Variants in GLIS3 observed in about 807,000 individuals in gnomAD.
The protein encoded by GLIS3 is zinc finger protein GLIS3.
In GLIS3, 53 loss-of-function variants were observed where a neutral mutation model predicts 78.6. The observed-to-expected ratio is 0.67, with a 90% CI of 0.54 to 0.85. GLIS3 has a LOEUF of 0.85. GLIS3 is among the 40% of genes least tolerant of loss of function. The pLI, the probability that GLIS3 is intolerant of heterozygous loss-of-function variation, is 0.00. For synonymous variants in GLIS3, 684 were observed against 509.9 expected, an observed-to-expected ratio of 1.34 and a Z score of -4.60; for missense variants, 1,703 against 1,231.1, an observed-to-expected ratio of 1.38 and a Z score of -5.74.
intron 4 of GLIS3, among the ~76,000 whole-genome samples, chr9:4,023,556 G>A (rs1278834712): frequency 6.6e-6 from 1 of 152,140 alleles, no homozygotes; most frequent in African/African-American, 2.4e-5. Context: ...AATCCTTTTC[G>A]TGTTAAGAGA....
At chr9:4,471,463 T>C in the GLIS3 span, among the ~76,000 whole-genome samples, 11 of 151,852 alleles carry the variant, frequency 7.2e-5, no homozygotes, top group African/African-American at 2.7e-4. Flanking sequence ...ACATCTACAA[T>C]CATCTGATAT....
intron 2 of GLIS3, among the ~76,000 whole-genome samples, chr9:4,149,765 G>T (rs1318514219): frequency 6.6e-6 from 1 of 152,142 alleles, no homozygotes; most frequent in South Asian, 2.1e-4. Context: ...AGGAGCAGGT[G>T]AAACAGAGAT....
intron 4 of GLIS3, among the ~76,000 whole-genome samples, chr9:4,096,520 C>G (rs1193574460): frequency 6.6e-6 from 1 of 152,136 alleles, no homozygotes; most frequent in Non-Finnish European, 1.5e-5. Context: ...GTGGTGGAGT[C>G]CTTACTGAAT....
At chr9:3,967,250 T>C (rs780265285) in intron 4 of GLIS3, among the ~76,000 whole-genome samples, 1 of 152,198 alleles carries the variant, frequency 6.6e-6, no homozygotes, top group Non-Finnish European at 1.5e-5. Flanking sequence ...ATGCCTGTAA[T>C]CCCAGCACTT....
intron 3 of GLIS3, chr9:4,123,726 T>C: frequency 2.5e-6 from 1 of 397,580 alleles, no homozygotes; most frequent in Non-Finnish European, 4.4e-6. Flanking sequence ...GTTTATTGTA[T>C]ATGTTTGACT....
At chr9:4,354,886 G>A in the GLIS3 span, among the ~76,000 whole-genome samples, 2 of 152,150 alleles carry the variant, frequency 1.3e-5, no homozygotes, top group Admixed American at 1.3e-4. Context: ...GGAGGCCGAG[G>A]TGGGCGGATC....
chr9:4,036,540 A>T (rs942016241), intron 4 of GLIS3, among the ~76,000 whole-genome samples: 1 of 152,184 alleles, frequency 6.6e-6, no homozygotes, highest in African/African-American at 2.4e-5. Context: ...AAATGGGAGG[A>T]TATAAGACTC....
the GLIS3 span, among the ~76,000 whole-genome samples, chr9:4,475,862 C>T: frequency 3.9e-5 from 6 of 152,102 alleles, no homozygotes; most frequent in East Asian, 9.6e-4. Flanking sequence ...AGAAGAGAGT[C>T]GTTGGATATT....
intron 4 of GLIS3, among the ~76,000 whole-genome samples, chr9:4,075,737 C>T (rs1047653173): frequency 2.6e-4 from 40 of 152,022 alleles, no homozygotes; most frequent in African/African-American, 9.2e-4. Flanking sequence ...TATGCATAGG[C>T]AACCTGTGAT....
chr9:4,215,706 T>G (rs534829014), intron 2 of GLIS3, among the ~76,000 whole-genome samples: 41 of 152,330 alleles, frequency 2.7e-4, no homozygotes, highest in African/African-American at 9.6e-4. Context: ...AGCTGTAGAT[T>G]CTGAAAACAC....
intron 1 of GLIS3, among the ~76,000 whole-genome samples, chr9:4,297,654 C>T (rs1190947494): frequency 6.6e-6 from 1 of 152,186 alleles, no homozygotes; most frequent in African/African-American, 2.4e-5. Flanking sequence ...ACCCTACTCC[C>T]TGTGATTCCG....
intron 7 of GLIS3, among the ~76,000 whole-genome samples, chr9:3,896,094 T>C (rs1165886364): frequency 6.6e-6 from 1 of 152,250 alleles, no homozygotes; most frequent in Non-Finnish European, 1.5e-5. Flanking sequence ...ATTTAACTAA[T>C]TGATGAAGTT....
At chr9:4,216,355 C>G (rs1429495599) in intron 2 of GLIS3, among the ~76,000 whole-genome samples, 6 of 151,764 alleles carry the variant, frequency 4.0e-5, no homozygotes, top group Non-Finnish European at 8.8e-5. Flanking sequence ...TGCCTGTAGT[C>G]CGAGCTACTC....
At chr9:4,350,782 A>C (rs1291919975), upstream of GLIS3, among the ~76,000 whole-genome samples, 1 of 151,358 alleles carries the variant, frequency 6.6e-6, no homozygotes, top group African/African-American at 2.4e-5. Context: ...GGGGTAAAAA[A>C]CATCAGGGTT....
At chr9:3,982,213 G>A (rs1563917246) in intron 4 of GLIS3, among the ~76,000 whole-genome samples, 1 of 146,404 alleles carries the variant, frequency 6.8e-6, no homozygotes, top group Non-Finnish European at 1.5e-5. Flanking sequence ...TTACCTCTCT[G>A]TTTTTTTTTT....
At chr9:4,095,121 A>C (rs1588660075) in intron 4 of GLIS3, among the ~76,000 whole-genome samples, 1 of 152,160 alleles carries the variant, frequency 6.6e-6, no homozygotes, top group African/African-American at 2.4e-5. Flanking sequence ...AAACACTAGA[A>C]CTTATTCCTC....
intron 3 of GLIS3, among the ~76,000 whole-genome samples, chr9:4,123,464 G>A (rs184588843): frequency 8.7e-4 from 132 of 152,174 alleles, no homozygotes; most frequent in African/African-American, 3.0e-3. Flanking sequence ...GTACAGAGCT[G>A]ATCCAATAAA....
intron 4 of GLIS3, among the ~76,000 whole-genome samples, chr9:3,999,816 T>C (rs781427017): frequency 2.0e-5 from 3 of 152,118 alleles, no homozygotes; most frequent in Non-Finnish European, 4.4e-5. Context: ...AAGTCAGGTT[T>C]AAAGAAGAAC....
intron 7 of GLIS3, among the ~76,000 whole-genome samples, chr9:3,891,108 G>T (rs867339887): frequency 6.6e-6 from 1 of 151,074 alleles, no homozygotes; most frequent in South Asian, 2.1e-4. Context: ...GGAGGAAGAG[G>T]AGGAGGAGGA....
Sources: allele counts gnomAD v4.1 joint callset (sites outside exome capture counted in the v4.1 genomes callset), GRCh38; gene constraint gnomAD v4.1.1; transcripts MANE v1.5; gene names NCBI Gene and HGNC (gene_info 2026-07-23, HGNC 2026-07-21).